The following PXDNL variants were observed in gnomAD, a reference collection of about 807,000 sequenced individuals.
The protein encoded by PXDNL is peroxidasin like, also known as probable oxidoreductase PXDNL.
A neutral mutation model predicts 150.8 loss-of-function variants in PXDNL; 145 were observed. The observed-to-expected ratio is 0.96, with a 90% CI of 0.84 to 1.10. The LOEUF is 1.10. Among genes scored for constraint, PXDNL ranks in the 50% least tolerant of loss-of-function variants. PXDNL has a pLI of 0.00. For missense variants in PXDNL, 2,087 were observed against 1,873.9 expected, an observed-to-expected ratio of 1.11 and a Z score of -2.10; for synonymous variants, 757 against 725.7, an observed-to-expected ratio of 1.04 and a Z score of -0.69.
intron 5 of PXDNL, among the ~76,000 whole-genome samples, chr8:51,497,129 C>G (rs552366603): frequency 6.6e-6 from 1 of 151,958 alleles, no homozygotes; most frequent in South Asian, 2.1e-4. Context: ...GAAATAATGC[C>G]GCATATCTAC....
At chr8:51,444,222 G>A (rs369600021) in intron 12 of PXDNL, among the ~76,000 whole-genome samples, 2 of 152,100 alleles carry the variant, frequency 1.3e-5, no homozygotes, top group Admixed American at 6.5e-5. Context: ...CTTGGTTCAG[G>A]CTGAGGCTCC....
chr8:51,808,235 C>G (rs1238542195), intron 1 of PXDNL, among the ~76,000 whole-genome samples: 1 of 152,166 alleles, frequency 6.6e-6, no homozygotes, highest in Admixed American at 6.5e-5. Context: ...ACTTGAAACA[C>G]TGCAAGCAGT....
intron 1 of PXDNL, among the ~76,000 whole-genome samples, chr8:51,711,965 G>A (rs144159585): frequency 2.6e-4 from 39 of 152,316 alleles, no homozygotes; most frequent in African/African-American, 7.7e-4. Context: ...CAAAGAAGAA[G>A]TTTTACTCTG....
At chr8:51,499,093 A>G (rs138093832) in intron 5 of PXDNL, among the ~76,000 whole-genome samples, 2 of 152,188 alleles carry the variant, frequency 1.3e-5, no homozygotes, top group East Asian at 1.9e-4. Flanking sequence ...TAGGGGATGT[A>G]TATGTTCAAC....
chr8:51,707,907 A>G (rs558172538), intron 1 of PXDNL, among the ~76,000 whole-genome samples: 1 of 152,278 alleles, frequency 6.6e-6, no homozygotes, highest in South Asian at 2.1e-4. Flanking sequence ...GCGTGCATAC[A>G]TATATATACA....
intron 1 of PXDNL, among the ~76,000 whole-genome samples, chr8:51,729,400 C>T (rs898399149): frequency 3.9e-5 from 6 of 152,030 alleles, no homozygotes; most frequent in African/African-American, 9.7e-5. Flanking sequence ...TATGAAAATA[C>T]GCTTAATATC....
intron 19 of PXDNL, among the ~76,000 whole-genome samples, chr8:51,354,983 C>T (rs1212500079): frequency 6.6e-6 from 1 of 152,022 alleles, no homozygotes; most frequent in Non-Finnish European, 1.5e-5. Context: ...ATGTTCTCAC[C>T]TTGATTTCAA....
intron 1 of PXDNL, among the ~76,000 whole-genome samples, chr8:51,781,878 G>A (rs181716766): frequency 1.3e-3 from 200 of 152,332 alleles, no homozygotes; most frequent in South Asian, 3.3e-3. Context: ...AGGCACATGT[G>A]CACTCTCACC....
intron 1 of PXDNL, among the ~76,000 whole-genome samples, chr8:51,767,401 G>A (rs2037243307): frequency 6.6e-6 from 1 of 152,010 alleles, no homozygotes; most frequent in Non-Finnish European, 1.5e-5. Flanking sequence ...TCTTGAGTGA[G>A]TTTTGTAAAG....
At chr8:51,693,825 T>G (rs1816054584) in intron 1 of PXDNL, among the ~76,000 whole-genome samples, 1 of 152,248 alleles carries the variant, frequency 6.6e-6, no homozygotes, top group South Asian at 2.1e-4. Context: ...ACTATCTCTT[T>G]GATTCAGGCT....
rs76270058 is a variant in PXDNL at position 51,379,258 on chromosome 8, T to C, written c.3558-4527A>G. Among the ~76,000 whole-genome samples the C allele has an allele frequency of 5.1e-4, 77 of 152,340 alleles. No homozygotes were observed. In the East Asian group the frequency reaches 6.2e-3, roughly 12 times the overall value. On this transcript the variant is annotated intron_variant, in intron 17 of 22. Transcript: ENST00000356297. ...ATTGAAGGTATGAGTCATGTTATTT[T>C]GTGTTCTCTTTGTTGATCTTACAGA...
intron 4 of PXDNL, among the ~76,000 whole-genome samples, chr8:51,528,298 A>G (rs1224173451): frequency 1.3e-5 from 2 of 152,222 alleles, no homozygotes; most frequent in Non-Finnish European, 2.9e-5. Context: ...AAAACTGAAG[A>G]CAAAAAGTGT....
chr8:51,629,740 T>G (rs927439000), intron 2 of PXDNL, among the ~76,000 whole-genome samples: 1 of 152,096 alleles, frequency 6.6e-6, no homozygotes, highest in African/African-American at 2.4e-5. Flanking sequence ...TCAGAAACCA[T>G]GCAGACATGA....
At chr8:51,434,205 C>T (rs897231680) in intron 12 of PXDNL, among the ~76,000 whole-genome samples, 7 of 152,154 alleles carry the variant, frequency 4.6e-5, no homozygotes, top group African/African-American at 9.7e-5. Context: ...TTTGAAGAAT[C>T]GATTCCAGCG....
chr8:51,748,478 G>T (rs761284584), intron 1 of PXDNL, among the ~76,000 whole-genome samples: 8 of 152,158 alleles, frequency 5.3e-5, no homozygotes, highest in Non-Finnish European at 1.2e-4. Context: ...GGCAGGTGGG[G>T]TGGCACGCTC....
At chr8:51,789,426 T>C (rs1450060835) in intron 1 of PXDNL, among the ~76,000 whole-genome samples, 1 of 152,004 alleles carries the variant, frequency 6.6e-6, no homozygotes, top group Non-Finnish European at 1.5e-5. Context: ...TCTTCAGGGA[T>C]GAACAATGAG....
intron 2 of PXDNL, among the ~76,000 whole-genome samples, chr8:51,653,119 TTAGAAGATACTCAA>T (rs1459323943): frequency 6.6e-6 from 1 of 152,222 alleles, no homozygotes; most frequent in African/African-American, 2.4e-5. Flanking sequence ...GAAATACTCA[TTAGAAGATACTCAA>T]TAGCCTGGGC....
At chr8:51,565,750 T>G (rs1038970085) in intron 3 of PXDNL, among the ~76,000 whole-genome samples, 23 of 151,988 alleles carry the variant, frequency 1.5e-4, no homozygotes, top group African/African-American at 5.5e-4. Flanking sequence ...TGAATACATA[T>G]AATGTATTGT....
intron 4 of PXDNL, among the ~76,000 whole-genome samples, chr8:51,524,294 C>A (rs1275000216): frequency 6.6e-6 from 1 of 152,058 alleles, no homozygotes. Context: ...AATAGGTATA[C>A]AATAAATAGT....
Sources: allele counts gnomAD v4.1 joint callset (sites outside exome capture counted in the v4.1 genomes callset), GRCh38; gene constraint gnomAD v4.1.1; transcripts MANE v1.5; gene names NCBI Gene and HGNC (gene_info 2026-07-23, HGNC 2026-07-21).